The following ADAM28 variants were observed in gnomAD, a reference collection of about 807,000 sequenced individuals.
ADAM28 encodes the protein disintegrin and metalloproteinase domain-containing protein 28.
In ADAM28, 105 loss-of-function variants were observed where a neutral mutation model predicts 101.2. The observed-to-expected ratio is 1.04, with a 90% confidence interval of 0.89 to 1.22. ADAM28 has a LOEUF of 1.22. Among genes scored for constraint, ADAM28 ranks in the 50% most tolerant of loss-of-function variants. The pLI, the probability that ADAM28 is intolerant of heterozygous loss-of-function variation, is 0.00. For synonymous variants in ADAM28, 322 were observed against 310.6 expected (o/e 1.04, Z -0.39); for missense variants, 1,028 against 945.4 (o/e 1.09, Z -1.15).
In ADAM28 at chr8:24,358,702, T is replaced by G; in HGVS notation, c.*4298T>G. On this transcript the variant is annotated 3_prime_UTR_variant, in exon 23 of 23. Transcript: ENST00000265769. The stretch of plus-strand genomic sequence containing the variant: ...CTACAATGCCCAACACTTAATACAG[T>G]ATCACTATTACTGTTAGTAGTATGC... 1 of 152,210 alleles carries G rather than the reference T, an allele frequency of 6.6e-6. No homozygotes were observed. Among genetic ancestry groups the G allele is most frequent in the East Asian group, 1.9e-4 (1 of 5,196 alleles). The allele number at this position is 152,210 out of a possible 1,614,324, so 9.4% of individuals were successfully genotyped here. A position where few individuals can be genotyped will look rare whatever the true frequency, so the allele number is the denominator to read the frequency against.
At chr8:24,325,871 C>CAAAAAAAAAAAAATAAAAAAAAAAA (rs1812477798) in intron 9 of ADAM28, among the ~76,000 whole-genome samples, 1 of 20,420 alleles carries the variant, frequency 4.9e-5, no homozygotes, top group Non-Finnish European at 8.1e-5. Context: ...GTACAGATAG[C>CAAAAAAAAAAAAATAAAAAAAAAAA]AAAAAAAAAA....
In ADAM28 at chr8:24,350,204, TAA is replaced by T. The variant is rs1169072862; in HGVS notation, c.2099+233_2099+234del. Among the ~76,000 whole-genome samples the T allele has an allele frequency of 1.8e-4, 28 of 152,300 alleles. No individual in the cohort carries two copies. The South Asian group carries it at 5.2e-3, about 28-fold the overall frequency. On this transcript the variant is annotated intron_variant, in intron 19 of 22. Coordinates refer to ENST00000265769, the MANE Select transcript of ADAM28 (RefSeq NM_014265.6). Reference sequence around the variant, plus strand: ...CTGTTAGTCACCGTAGTTATAATAATAAGAGTGATATTAACTCTCATTATGAC... The same window carrying T: ...CTGTTAGTCACCGTAGTTATAATAATGAGTGATATTAACTCTCATTATGAC...
At chr8:24,333,569 C>A (rs969651279) in intron 13 of ADAM28, among the ~76,000 whole-genome samples, 1 of 152,188 alleles carries the variant, frequency 6.6e-6, no homozygotes, top group African/African-American at 2.4e-5. Context: ...CAAGTGTGAT[C>A]ATCTCCAAAG....
At position 24,318,389 on chromosome 8, in the gene ADAM28, A is replaced by G. The variant is rs147360202; in HGVS notation, c.577-1847A>G. 1.4e-3 allele frequency among the ~76,000 whole-genome samples: 207 copies of G among 152,126 alleles called. 1 individual carries two copies. Among genetic ancestry groups the G allele is most frequent in the African/African-American group, 4.7e-3 (194 of 41,530 alleles). The stretch of plus-strand genomic sequence containing the variant: ...ACTGGTAAATATTAGAGAACCTCAC[A>G]TAGCTCAATCCTGGATCTTTATCTA... On this transcript the variant is annotated intron_variant, in intron 6 of 22. Transcript: ENST00000265769.
intron 2 of ADAM28, among the ~76,000 whole-genome samples, chr8:24,309,159 C>T (rs1450038134): frequency 2.6e-5 from 4 of 152,120 alleles, no homozygotes; most frequent in African/African-American, 9.7e-5. Context: ...ATACCAATAT[C>T]CAAGTTTAAA....
chr8:24,325,307 GAATA>G lies in ADAM28; in HGVS notation c.891-1244_891-1241del, dbSNP rs1240653718. 2.6e-5 allele frequency among the ~76,000 whole-genome samples: 4 copies of G among 151,836 alleles called. No individual in the cohort carries two copies. In the East Asian group the frequency reaches 7.7e-4, roughly 29 times the overall value. On this transcript the variant is annotated intron_variant, in intron 9 of 22. Coordinates refer to ENST00000265769, the MANE Select transcript of ADAM28 (RefSeq NM_014265.6). ...AAGAATAGATTCCTTGAAGAGATCA[GAATA>G]AAGATACGATGAAAGGAAATAGTTG... is the stretch of plus-strand genomic sequence containing the variant.
At chr8:24,328,335 T>C (rs1289079982) in intron 10 of ADAM28, among the ~76,000 whole-genome samples, 1 of 151,962 alleles carries the variant, frequency 6.6e-6, no homozygotes, top group African/African-American at 2.4e-5. Flanking sequence ...CTACCTGCCT[T>C]GTCCTTGTTA....
chr8:24,341,762 G>T lies in ADAM28; in HGVS notation c.1830+5G>T. The T allele has an allele frequency of 6.2e-7, 1 of 1,613,398 alleles. No homozygotes were observed. The highest frequency in any genetic ancestry group is 8.5e-7 in the Non-Finnish European group (1 of 1,179,614). ...ACTAAGTGTGGCGATAACAAGGTAA[G>T]TTGAAATTGTGGCTTTCACTCAAAA... is the stretch of plus-strand genomic sequence containing the variant. On this transcript the variant is annotated splice_donor_5th_base_variant and intron_variant, in intron 16 of 22. Coordinates refer to ENST00000265769, the MANE Select transcript of ADAM28 (RefSeq NM_014265.6).
At chr8:24,344,227 A>T (rs1815138111) in intron 18 of ADAM28, among the ~76,000 whole-genome samples, 1 of 151,808 alleles carries the variant, frequency 6.6e-6, no homozygotes, top group African/African-American at 2.4e-5. Context: ...GTGGGGACCC[A>T]CCTCCAGTTG....
Position 24,342,964 on chromosome 8 carries a change from C to G in ADAM28, c.1831-137C>G. ...GGATAATGTAAGCAACAGAGCCCGT[C>G]TCTGTTTCCCTTCTTCTACATCAGC... On this transcript the variant is annotated intron_variant, in intron 16 of 22. Transcript: ENST00000265769. The G allele has an allele frequency of 3.4e-6, 5 of 1,452,316 alleles. No homozygotes were observed. The South Asian group carries it at 7.4e-5, about 21-fold the overall frequency. 90.0% of individuals were successfully genotyped at this position (1,452,316 alleles called of 1,614,324 possible).
chr8:24,308,791 T>G (rs1810043362), intron 2 of ADAM28: 1 of 441,086 alleles, frequency 2.3e-6, no homozygotes, highest in Admixed American at 2.5e-5. Flanking sequence ...AGAATTGACT[T>G]TGGAGAGGGC....
chr8:24,323,783 A>G, intron 8 of ADAM28, 51 bp from the exon 9 acceptor site: 2 of 1,506,150 alleles, frequency 1.3e-6, no homozygotes, highest in Non-Finnish European at 9.0e-7. Flanking sequence ...AATGTTTAAA[A>G]TGATATCACC....
chr8:24,353,428 A>AAAGACCTACATTTGAGAT (rs1563334098), intron 21 of ADAM28, among the ~76,000 whole-genome samples: 2 of 151,934 alleles, frequency 1.3e-5, no homozygotes, highest in African/African-American at 4.8e-5. Flanking sequence ...TACATTTGAG[A>AAAGACCTACATTTGAGAT]TTTTTTTCTT....
At chr8:24,322,790 C>T (rs1004119737) in intron 8 of ADAM28, 1 of 151,944 alleles carries the variant, frequency 6.6e-6, no homozygotes, top group Non-Finnish European at 1.5e-5. Flanking sequence ...GTTTTCCAAA[C>T]TACCTTTTTT....
intron 9 of ADAM28, 149 bp from the exon 10 acceptor site, chr8:24,326,405 C>A: frequency 1.6e-6 from 1 of 619,774 alleles, no homozygotes; most frequent in Non-Finnish European, 2.7e-6. Context: ...AGAAAAATGC[C>A]TTATGCAAAT....
intron 19 of ADAM28, 139 bp from the exon 20 acceptor site, chr8:24,351,093 C>T (rs11135796): frequency 0.44 from 246,430 of 564,968 alleles, 57,995 homozygotes; most frequent in Admixed American, 0.5. Context: ...TAAAAACTGA[C>T]CCAGGGAGCA....
chr8:24,348,168 CTTTTATA>C (rs1815639625), intron 18 of ADAM28, among the ~76,000 whole-genome samples: 1 of 151,878 alleles, frequency 6.6e-6, no homozygotes, highest in Non-Finnish European at 1.5e-5. Context: ...TTATGCATTT[CTTTTATA>C]TTTTAATGAT....
intron 18 of ADAM28, among the ~76,000 whole-genome samples, chr8:24,346,444 A>G (rs1190830004): frequency 6.6e-6 from 1 of 152,110 alleles, no homozygotes; most frequent in Non-Finnish European, 1.5e-5. Context: ...TAATATTTTC[A>G]CAACTGTATC....
At chr8:24,341,862 G>C in intron 16 of ADAM28, 105 bp downstream of exon 16, 1 of 1,454,276 alleles carries the variant, frequency 6.9e-7, no homozygotes, top group Non-Finnish European at 9.5e-7. Flanking sequence ...TCCCGATTTT[G>C]GGGTTCGCCA....
Sources: allele counts gnomAD v4.1 joint callset (sites outside exome capture counted in the v4.1 genomes callset), GRCh38; gene constraint gnomAD v4.1.1; transcripts MANE v1.5; gene names NCBI Gene and HGNC (gene_info 2026-07-23, HGNC 2026-07-21).